The following CCSER1 variants were observed in gnomAD, a reference collection of about 807,000 sequenced individuals.
CCSER1 encodes the protein serine-rich coiled-coil domain-containing protein 1.
CCSER1 carries 41 observed loss-of-function variants against 82.0 expected under a neutral mutation model. The observed-to-expected ratio is 0.50, with a 90% CI of 0.39 to 0.65. The LOEUF is 0.65. Among genes scored for constraint, CCSER1 ranks in the 30% least tolerant of loss-of-function variants. CCSER1 has a pLI of 0.00. For synonymous variants in CCSER1, 414 were observed against 383.9 expected (o/e 1.08, Z -0.92); for missense variants, 1,119 against 1,064.2 (o/e 1.05, Z -0.72).
At chr4:90,473,976 AC>A (rs1764734699) in intron 5 of CCSER1, among the ~76,000 whole-genome samples, 2 of 152,150 alleles carry the variant, frequency 1.3e-5, no homozygotes. Context: ...TCCCTTCTGT[AC>A]TAAAAATACA....
intron 9 of CCSER1, among the ~76,000 whole-genome samples, chr4:91,070,775 C>T (rs1721345355): frequency 6.6e-6 from 1 of 152,122 alleles, no homozygotes; most frequent in Admixed American, 6.6e-5. Context: ...TCCACAAAAC[C>T]AGTTCCAGGT....
intron 8 of CCSER1, among the ~76,000 whole-genome samples, chr4:90,890,822 T>C (rs1722851220): frequency 6.6e-6 from 1 of 152,174 alleles, no homozygotes; most frequent in Non-Finnish European, 1.5e-5. Flanking sequence ...AATAATATTT[T>C]GATTTATTTT....
At chr4:91,488,131 C>T (rs148620281) in intron 10 of CCSER1, among the ~76,000 whole-genome samples, 9 of 152,108 alleles carry the variant, frequency 5.9e-5, no homozygotes, top group Admixed American at 4.6e-4. Flanking sequence ...AGGAAAAAAA[C>T]GCAGGGTGTT....
At chr4:90,608,838 C>T (rs1007111253) in intron 5 of CCSER1, among the ~76,000 whole-genome samples, 6 of 151,946 alleles carry the variant, frequency 3.9e-5, no homozygotes, top group Non-Finnish European at 8.8e-5. Context: ...TCAAATGTGG[C>T]CATTCTATGT....
chr4:91,042,596 T>A (rs1175215423), intron 9 of CCSER1, among the ~76,000 whole-genome samples: 1 of 152,214 alleles, frequency 6.6e-6, no homozygotes, highest in Non-Finnish European at 1.5e-5. Flanking sequence ...CAGTACATAA[T>A]CTTCCATCTA....
chr4:91,025,753 T>C (rs1233617102), intron 9 of CCSER1, among the ~76,000 whole-genome samples: 1 of 152,112 alleles, frequency 6.6e-6, no homozygotes, highest in Non-Finnish European at 1.5e-5. Flanking sequence ...GGAACCCAAA[T>C]TGTGTTTTCT....
At chr4:91,098,537 G>A (rs1178427024) in intron 10 of CCSER1, among the ~76,000 whole-genome samples, 1 of 151,416 alleles carries the variant, frequency 6.6e-6, no homozygotes, top group Non-Finnish European at 1.5e-5. Context: ...AAAGATCACT[G>A]GAGATAATTT....
intron 8 of CCSER1, among the ~76,000 whole-genome samples, chr4:90,816,278 T>C (rs73833875): frequency 0.014 from 2,188 of 152,276 alleles, 56 homozygotes; most frequent in African/African-American, 0.05. Flanking sequence ...CAAAAATACA[T>C]TAACCTAATG....
At position 91,599,140 on chromosome 4, in the gene CCSER1, A is replaced by G; in HGVS notation, c.*83A>G. On this transcript the variant is annotated 3_prime_UTR_variant, in exon 11 of 11. Coordinates refer to ENST00000509176, the MANE Select transcript of CCSER1 (RefSeq NM_001145065.2). ...ATAGTTCATATTAAAATTGTCATGT[A>G]CTTTTTCTTACATTTTAGTTATAAA... 7.3e-7 allele frequency: 1 copy of G among 1,369,488 alleles called. No homozygotes were observed. The highest frequency in any genetic ancestry group is 9.6e-7 in the Non-Finnish European group (1 of 1,040,466). 84.8% of individuals were successfully genotyped at this position (1,369,488 alleles called of 1,614,324 possible). A position where few individuals can be genotyped will look rare whatever the true frequency, so the allele number is the denominator to read the frequency against.
chr4:91,245,371 G>T (rs1272442880), intron 10 of CCSER1, among the ~76,000 whole-genome samples: 1 of 152,040 alleles, frequency 6.6e-6, no homozygotes, highest in Non-Finnish European at 1.5e-5. Context: ...AAAGGTCAAG[G>T]ATAAAGAAAT....
At chr4:91,317,916 A>G (rs1432034090) in intron 10 of CCSER1, among the ~76,000 whole-genome samples, 2 of 151,974 alleles carry the variant, frequency 1.3e-5, no homozygotes, top group African/African-American at 4.8e-5. Context: ...AGCATCCAGT[A>G]CACCCACTGT....
chr4:91,061,337 T>C (rs1743934812), intron 9 of CCSER1, among the ~76,000 whole-genome samples: 1 of 151,804 alleles, frequency 6.6e-6, no homozygotes, highest in Admixed American at 6.6e-5. Flanking sequence ...TTAGTTAACA[T>C]GAAAGAGGAG....
chr4:90,364,404 TC>T (rs1745919097), intron 3 of CCSER1, among the ~76,000 whole-genome samples: 1 of 152,004 alleles, frequency 6.6e-6, no homozygotes, highest in African/African-American at 2.4e-5. Flanking sequence ...AATGAAAGGT[TC>T]GGAATCACTA....
At chr4:91,547,247 T>C (rs1761938575) in intron 10 of CCSER1, among the ~76,000 whole-genome samples, 3 of 152,166 alleles carry the variant, frequency 2.0e-5, no homozygotes, top group African/African-American at 7.2e-5. Flanking sequence ...AGTTTAGTAA[T>C]GTCCTTACTA....
At chr4:91,561,630 C>A (rs550682296) in intron 10 of CCSER1, among the ~76,000 whole-genome samples, 2 of 151,574 alleles carry the variant, frequency 1.3e-5, no homozygotes, top group Admixed American at 6.6e-5. Context: ...AGGGGAAAAT[C>A]TTGATCTTGT....
chr4:90,226,848 C>T (rs967067917), intron 1 of CCSER1, among the ~76,000 whole-genome samples: 4 of 152,202 alleles, frequency 2.6e-5, no homozygotes, highest in African/African-American at 9.7e-5. Context: ...CATACTTTTC[C>T]AGATCATCTC....
At chr4:90,395,355 C>T (rs538388581) in intron 3 of CCSER1, among the ~76,000 whole-genome samples, 2 of 152,178 alleles carry the variant, frequency 1.3e-5, no homozygotes, top group Non-Finnish European at 2.9e-5. Flanking sequence ...TGTATTAATG[C>T]TAGGCATTTA....
chr4:91,092,277 A>G lies in CCSER1; in HGVS notation c.2217+6283A>G, dbSNP rs142819016. 1.3e-3 allele frequency among the ~76,000 whole-genome samples: 193 copies of G among 152,304 alleles called. 3 individuals are homozygous for G. The East Asian group carries it at 0.033, about 26-fold the overall frequency. ...AAATGCTGGCCCATTTTCTGAGCCA[A>G]TCCGTAGAGGCAGTCCAAACCTAGG... On this transcript the variant is annotated intron_variant, in intron 10 of 10. Transcript: ENST00000509176.
At chr4:90,508,572 A>T (rs9307087) in intron 5 of CCSER1, among the ~76,000 whole-genome samples, 2,449 of 152,080 alleles carry the variant, frequency 0.016, 38 homozygotes, top group African/African-American at 0.047. Context: ...AAGTGATTCC[A>T]TATGTCCTCC....
Sources: allele counts gnomAD v4.1 joint callset (sites outside exome capture counted in the v4.1 genomes callset), GRCh38; gene constraint gnomAD v4.1.1; transcripts MANE v1.5; gene names NCBI Gene and HGNC (gene_info 2026-07-23, HGNC 2026-07-21).